Variants in NAPEPLD observed in about 807,000 individuals in gnomAD.
NAPEPLD encodes N-acyl-phosphatidylethanolamine-hydrolyzing phospholipase D.
Under a neutral mutation model 38.1 loss-of-function variants are expected in NAPEPLD, and 23 were observed. The observed-to-expected ratio is 0.60, with a 90% CI of 0.43 to 0.86. NAPEPLD has a LOEUF of 0.86. Ranked by LOEUF, NAPEPLD falls within the 40% of genes least tolerant of loss-of-function variation. The pLI is 0.00. For missense variants in NAPEPLD, 411 were observed against 476.8 expected (o/e 0.86, Z 1.28); for synonymous variants, 147 against 162.0 (o/e 0.91, Z 0.71).
chr7:103,130,265 A>T (rs763080918), intron 1 of NAPEPLD, among the ~76,000 whole-genome samples: 1 of 152,214 alleles, frequency 6.6e-6, no homozygotes, highest in Non-Finnish European at 1.5e-5. Flanking sequence ...CTTTTTTTCC[A>T]AACTGTCTAG....
chr7:103,125,281 T>C (rs545729701), intron 2 of NAPEPLD, among the ~76,000 whole-genome samples: 6 of 152,248 alleles, frequency 3.9e-5, no homozygotes, highest in Non-Finnish European at 8.8e-5. Flanking sequence ...TTGATGCCAA[T>C]GTTTGATATT....
At chr7:103,137,357 T>C (rs1352348789) in intron 1 of NAPEPLD, among the ~76,000 whole-genome samples, 1 of 152,080 alleles carries the variant, frequency 6.6e-6, no homozygotes, top group African/African-American at 2.4e-5. Flanking sequence ...TCCTCTATAA[T>C]AAGAGGTTTT....
Position 103,145,169 on chromosome 7 carries a change from T to C in NAPEPLD, c.-17+3642A>G, listed in dbSNP as rs537996750. On this transcript the variant is annotated intron_variant, in intron 1 of 4. Coordinates refer to ENST00000465647, the MANE Select transcript of NAPEPLD (RefSeq NM_001122838.3). ...GTTTAAACTAAATTGAAGATGAAGA[T>C]TATAAAGTAAGATGTGAAGGTATTC... Among the ~76,000 whole-genome samples, 7 of 152,290 alleles carry C rather than the reference T, an allele frequency of 4.6e-5. No individual in the cohort carries two copies. The South Asian group carries it at 1.5e-3, about 32-fold the overall frequency.
chr7:103,124,519 G>A (rs2129529568), intron 2 of NAPEPLD, among the ~76,000 whole-genome samples: 1 of 152,148 alleles, frequency 6.6e-6, no homozygotes, highest in Non-Finnish European at 1.5e-5. Context: ...GGAGAGGATG[G>A]ACTCTTGTTT....
At chr7:103,144,876 G>A (rs1812219154) in intron 1 of NAPEPLD, among the ~76,000 whole-genome samples, 2 of 152,184 alleles carry the variant, frequency 1.3e-5, no homozygotes, top group African/African-American at 4.8e-5. Flanking sequence ...GCCAGGCATG[G>A]TAGTGCATGC....
At chr7:103,109,494 A>T (rs1003384814) in intron 4 of NAPEPLD, among the ~76,000 whole-genome samples, 5 of 152,226 alleles carry the variant, frequency 3.3e-5, no homozygotes, top group Non-Finnish European at 7.3e-5. Flanking sequence ...CTGCTCCTGA[A>T]TGACTATGGG....
intron 4 of NAPEPLD, among the ~76,000 whole-genome samples, chr7:103,104,092 G>T (rs1396450358): frequency 6.6e-6 from 1 of 152,088 alleles, no homozygotes; most frequent in Non-Finnish European, 1.5e-5. Flanking sequence ...AGCTCTGTGT[G>T]GCAAAGAGGA....
intron 4 of NAPEPLD, among the ~76,000 whole-genome samples, chr7:103,107,681 C>T (rs189413228): frequency 5.9e-5 from 9 of 151,676 alleles, no homozygotes; most frequent in South Asian, 2.1e-4. Flanking sequence ...TGAATTAAAG[C>T]GAGAAGACAA....
At chr7:103,148,036 CT>C in intron 1 of NAPEPLD, 1 of 983,252 alleles carries the variant, frequency 1.0e-6, no homozygotes, top group Non-Finnish European at 1.2e-6. Flanking sequence ...AGGTAATCTT[CT>C]TTTTAAAGAT....
chr7:103,129,454 G>A (rs1808489817), intron 1 of NAPEPLD: 1 of 350,036 alleles, frequency 2.9e-6, no homozygotes, highest in Non-Finnish European at 4.0e-6. Context: ...CATGTATTTA[G>A]AAAACATTAT....
At chr7:103,141,945 C>G in intron 1 of NAPEPLD, 2 of 879,904 alleles carry the variant, frequency 2.3e-6, no homozygotes, top group Non-Finnish European at 3.8e-6. Context: ...CTCAAGGCTG[C>G]AGCCACAGCA....
intron 1 of NAPEPLD, among the ~76,000 whole-genome samples, chr7:103,133,481 G>A (rs1172039429): frequency 1.3e-5 from 2 of 152,192 alleles, no homozygotes; most frequent in Non-Finnish European, 2.9e-5. Context: ...AAAATGACAC[G>A]CTCTGCCAAC....
At chr7:103,130,064 C>T (rs74455195) in intron 1 of NAPEPLD, among the ~76,000 whole-genome samples, 1,686 of 152,284 alleles carry the variant, frequency 0.011, 35 homozygotes, top group African/African-American at 0.039. Context: ...TAAACATTTG[C>T]TTTCTGTTTC....
intron 3 of NAPEPLD, among the ~76,000 whole-genome samples, chr7:103,115,868 T>G (rs1187751339): frequency 1.3e-5 from 2 of 152,156 alleles, no homozygotes; most frequent in Admixed American, 6.5e-5. Flanking sequence ...GGCAGATTAT[T>G]TAGAACTTTC....
intron 1 of NAPEPLD, among the ~76,000 whole-genome samples, chr7:103,136,384 TAAC>T (rs1335316536): frequency 1.4e-5 from 2 of 147,592 alleles, no homozygotes; most frequent in Non-Finnish European, 3.0e-5. Flanking sequence ...ACAGCCTGGC[TAAC>T]ATGGCAAAAC....
At chr7:103,147,337 T>G (rs1351964000) in intron 1 of NAPEPLD, among the ~76,000 whole-genome samples, 1 of 152,246 alleles carries the variant, frequency 6.6e-6, no homozygotes, top group Non-Finnish European at 1.5e-5. Flanking sequence ...CTAATAATAC[T>G]TCAATGAAAA....
At chr7:103,133,635 GGT>G (rs1315537239) in intron 1 of NAPEPLD, among the ~76,000 whole-genome samples, 1 of 152,142 alleles carries the variant, frequency 6.6e-6, no homozygotes, top group Non-Finnish European at 1.5e-5. Flanking sequence ...TTGTCTGTAT[GGT>G]CCTGTGTTAA....
intron 1 of NAPEPLD, among the ~76,000 whole-genome samples, chr7:103,134,439 C>G (rs541949577): frequency 6.6e-6 from 1 of 152,160 alleles, no homozygotes; most frequent in South Asian, 2.1e-4. Flanking sequence ...CACCTCAGGT[C>G]GGGAGTTCGA....
chr7:103,126,618 G>GT (rs1418983584), intron 2 of NAPEPLD, among the ~76,000 whole-genome samples: 6 of 151,348 alleles, frequency 4.0e-5, no homozygotes, highest in Non-Finnish European at 8.8e-5. Context: ...GTTTTGTTTT[G>GT]TTTTTTGAGA....
Sources: allele counts gnomAD v4.1 joint callset (sites outside exome capture counted in the v4.1 genomes callset), GRCh38; gene constraint gnomAD v4.1.1; transcripts MANE v1.5; gene names NCBI Gene and HGNC (gene_info 2026-07-23, HGNC 2026-07-21).